The following STON2 variants were observed in gnomAD, a reference collection of about 807,000 sequenced individuals.
STON2 encodes stonin-2.
In STON2, 29 loss-of-function variants were observed where a neutral mutation model predicts 65.7. The ratio of observed to expected loss-of-function variants is 0.44; its 90% CI spans 0.33 to 0.60. The LOEUF is 0.60. STON2 is among the 20% of genes least tolerant of loss of function. STON2 has a pLI of 0.03. For synonymous variants in STON2, 404 were observed against 414.2 expected, an observed-to-expected ratio of 0.98 and a Z score of 0.30; for missense variants, 1,054 against 1,118.1, an observed-to-expected ratio of 0.94 and a Z score of 0.82.
At chr14:81,323,568 AG>A (rs1380825797) in intron 5 of STON2, 1 of 152,188 alleles carries the variant, frequency 6.6e-6, no homozygotes, top group Non-Finnish European at 1.5e-5. Flanking sequence ...CTTTAAATAA[AG>A]GGTCTCTTTT....
chr14:81,356,609 T>C lies in STON2; in HGVS notation c.571+14379A>G, dbSNP rs549889687. 3.9e-5 allele frequency among the ~76,000 whole-genome samples: 6 copies of C among 152,344 alleles called. No individual in the cohort carries two copies. In the East Asian group the frequency reaches 1.2e-3, roughly 29 times the overall value. On this transcript the variant is annotated intron_variant, in intron 4 of 7. Coordinates refer to ENST00000614646, the MANE Select transcript of STON2 (RefSeq NM_001394390.1). ...TACCAGTTCTTCCTTGTACCTCTGG[T>C]AGAATTCGGCTGTGAATCCATCTGG...
At chr14:81,339,312 T>C (rs1199126169) in intron 4 of STON2, among the ~76,000 whole-genome samples, 1 of 152,090 alleles carries the variant, frequency 6.6e-6, no homozygotes, top group Non-Finnish European at 1.5e-5. Context: ...GATGTCAGGC[T>C]AAAGAAGTCA....
chr14:81,279,634 T>G (rs1428298572), intron 5 of STON2, among the ~76,000 whole-genome samples: 1 of 151,776 alleles, frequency 6.6e-6, no homozygotes, highest in Non-Finnish European at 1.5e-5. Context: ...GAGATAGAAG[T>G]CAGCGGAGAT....
At chr14:81,281,262 A>G (rs569904461) in intron 5 of STON2, among the ~76,000 whole-genome samples, 38 of 152,344 alleles carry the variant, frequency 2.5e-4, no homozygotes, top group African/African-American at 8.9e-4. Flanking sequence ...ACGGTCAGGA[A>G]ACAACCTACA....
chr14:81,329,774 G>A (rs1897141225), intron 4 of STON2, among the ~76,000 whole-genome samples: 1 of 152,176 alleles, frequency 6.6e-6, no homozygotes, highest in Non-Finnish European at 1.5e-5. Flanking sequence ...GGGAAAGAGA[G>A]AGAAGGGGGT....
chr14:81,261,888 CA>C lies in STON2; in HGVS notation c.*6525del, dbSNP rs1372748543. Reference sequence around the variant, plus strand: ...TCTTTTTAAATCTGTGTGTGGAAGGCAACTGCAATATAGAGGATTTGGAAGG... The same window carrying C: ...TCTTTTTAAATCTGTGTGTGGAAGGCACTGCAATATAGAGGATTTGGAAGG... On this transcript the variant is annotated 3_prime_UTR_variant, in exon 8 of 8. Transcript: ENST00000614646. 6.6e-7 allele frequency: 1 copy of C among 1,522,910 alleles called. No individual in the cohort carries two copies. The highest frequency in any genetic ancestry group is 1.4e-5 in the African/African-American group (1 of 69,448). The allele number at this position is 1,522,910 out of a possible 1,614,324, so 94.3% of individuals were successfully genotyped here. A position where few individuals can be genotyped will look rare whatever the true frequency, so the allele number is the denominator to read the frequency against.
chr14:81,267,357 ACT>A lies in STON2; in HGVS notation c.*1055_*1056del. ...TCCAATCCAATACTGTGATTATCAA[ACT>A]CTGAATTTTGGGGGAAAGCTCATTC... is the stretch of plus-strand genomic sequence containing the variant. On this transcript the variant is annotated 3_prime_UTR_variant, in exon 8 of 8. Transcript: ENST00000614646. 2.0e-6 allele frequency: 2 copies of A among 985,336 alleles called. No individual in the cohort carries two copies. Among genetic ancestry groups the A allele is most frequent in the Non-Finnish European group, 2.4e-6 (2 of 829,908 alleles). The allele number at this position is 985,336 out of a possible 1,614,324, so 61.0% of individuals were successfully genotyped here. A position where few individuals can be genotyped will look rare whatever the true frequency, so the allele number is the denominator to read the frequency against.
At chr14:81,405,332 T>C (rs1900794209) in intron 2 of STON2, among the ~76,000 whole-genome samples, 1 of 152,136 alleles carries the variant, frequency 6.6e-6, no homozygotes, top group Non-Finnish European at 1.5e-5. Flanking sequence ...TTCTTTGCTG[T>C]GATGCCTTAT....
intron 2 of STON2, among the ~76,000 whole-genome samples, chr14:81,418,544 T>C (rs1901551455): frequency 6.6e-6 from 1 of 152,200 alleles, no homozygotes; most frequent in African/African-American, 2.4e-5. Context: ...CGACTCTTAA[T>C]ACAGCTTTGT....
At chr14:81,318,111 G>C (rs986036322) in intron 5 of STON2, among the ~76,000 whole-genome samples, 1 of 150,950 alleles carries the variant, frequency 6.6e-6, no homozygotes, top group African/African-American at 2.4e-5. Flanking sequence ...GATTACAGGC[G>C]TGCACCACCA....
chr14:81,338,230 A>G (rs997732053), intron 4 of STON2, among the ~76,000 whole-genome samples: 7 of 152,196 alleles, frequency 4.6e-5, no homozygotes, highest in Non-Finnish European at 7.3e-5. Context: ...TGATGAAAGG[A>G]TTGGAACTTG....
At chr14:81,269,775 T>A (rs1894499065) in intron 7 of STON2, 1 of 985,316 alleles carries the variant, frequency 1.0e-6, no homozygotes, top group Non-Finnish European at 1.2e-6. Context: ...TCGTTGGCAT[T>A]TAATCTCCTA....
intron 6 of STON2, among the ~76,000 whole-genome samples, chr14:81,276,582 G>GTTGGGGA (rs1212265885): frequency 2.6e-5 from 4 of 152,194 alleles, no homozygotes; most frequent in African/African-American, 9.7e-5. Flanking sequence ...CAGCACCACA[G>GTTGGGGA]CTAATACGTT....
chr14:81,344,144 C>T (rs954611741), intron 4 of STON2, among the ~76,000 whole-genome samples: 2 of 152,116 alleles, frequency 1.3e-5, no homozygotes, highest in African/African-American at 4.8e-5. Flanking sequence ...CCCCTAAACA[C>T]ATCTATCATA....
At chr14:81,308,781 C>CATAT (rs57821672) in intron 5 of STON2, among the ~76,000 whole-genome samples, 10 of 9,108 alleles carry the variant, frequency 1.1e-3, no homozygotes, top group South Asian at 3.6e-3. Context: ...TGGTTTTACC[C>CATAT]ATATATATAT....
At chr14:81,426,904 C>T (rs1029841874) in intron 2 of STON2, among the ~76,000 whole-genome samples, 1 of 152,192 alleles carries the variant, frequency 6.6e-6, no homozygotes, top group Non-Finnish European at 1.5e-5. Flanking sequence ...ACCTACAAAT[C>T]ATGATGTTCA....
chr14:81,265,121 G>C lies in STON2; in HGVS notation c.*3293C>G, dbSNP rs985384469. 2.6e-5 allele frequency: 26 copies of C among 984,550 alleles called. No homozygotes were observed. In the African/African-American group the frequency reaches 4.6e-4, roughly 17 times the overall value. The allele number at this position is 984,550 out of a possible 1,614,324, so 61.0% of individuals were successfully genotyped here. A position where few individuals can be genotyped will look rare whatever the true frequency, so the allele number is the denominator to read the frequency against. On this transcript the variant is annotated 3_prime_UTR_variant, in exon 8 of 8. Transcript: ENST00000614646. ...GTCCAGGTCCAGGGTTGCAAAAGTA[G>C]AATCTGCATATCCACAGGTAATTTG... is the stretch of plus-strand genomic sequence containing the variant.
intron 4 of STON2, among the ~76,000 whole-genome samples, chr14:81,348,769 A>T (rs1051008521): frequency 3.9e-5 from 6 of 152,300 alleles, no homozygotes; most frequent in Non-Finnish European, 8.8e-5. Flanking sequence ...ATACGAATCC[A>T]CAAAGGAGCT....
At chr14:81,397,362 T>C (rs1043910075) in intron 2 of STON2, among the ~76,000 whole-genome samples, 2 of 152,198 alleles carry the variant, frequency 1.3e-5, no homozygotes, top group Admixed American at 6.5e-5. Flanking sequence ...ATTTTAATAA[T>C]ACACATTTCA....
Sources: gnomAD v4.1 joint callset for allele counts (sites outside exome capture counted in the v4.1 genomes callset) on GRCh38, gnomAD v4.1.1 for gene constraint, MANE v1.5 for transcripts, NCBI Gene and HGNC (gene_info 2026-07-23, HGNC 2026-07-21) for gene names.